The following KIF6 variants were observed in gnomAD, a reference collection of about 807,000 sequenced individuals.
KIF6 encodes kinesin family member 6.
Under a neutral mutation model 112.7 loss-of-function variants are expected in KIF6, and 106 were observed. That is an observed-to-expected ratio of 0.94 (90% confidence interval 0.80 to 1.11). The LOEUF is 1.11. KIF6 is among the 50% of genes least tolerant of loss of function. The probability of loss-of-function intolerance (pLI) is 0.00; values close to 1 mark genes in which losing one functional copy is unlikely to be tolerated. For missense variants in KIF6, 929 were observed against 964.0 expected, an observed-to-expected ratio of 0.96 and a Z score of 0.48; for synonymous variants, 339 against 339.9, an observed-to-expected ratio of 1.00 and a Z score of 0.03.
chr6:39,687,284 C>A (rs1787932945), intron 3 of KIF6, among the ~76,000 whole-genome samples: 1 of 152,170 alleles, frequency 6.6e-6, no homozygotes, highest in South Asian at 2.1e-4. Context: ...TTCTGGGAAC[C>A]AACGGACAGG....
chr6:39,430,724 T>C (rs1771092529), intron 14 of KIF6, among the ~76,000 whole-genome samples: 1 of 152,208 alleles, frequency 6.6e-6, no homozygotes, highest in South Asian at 2.1e-4. Context: ...CCATAGACTT[T>C]TTCCCCCCTC....
intron 15 of KIF6, among the ~76,000 whole-genome samples, chr6:39,400,483 G>C (rs536785910): frequency 3.7e-4 from 57 of 152,334 alleles, no homozygotes; most frequent in African/African-American, 1.3e-3. Context: ...AGGCCTTGTG[G>C]GCTCCAAAAC....
intron 22 of KIF6, among the ~76,000 whole-genome samples, chr6:39,338,893 C>T (rs531238845): frequency 1.8e-4 from 27 of 151,184 alleles, no homozygotes; most frequent in Non-Finnish European, 3.2e-4. Context: ...TGAGCCATCT[C>T]CCACCCAGGA....
intron 14 of KIF6, among the ~76,000 whole-genome samples, chr6:39,427,775 C>G (rs1003310691): frequency 9.2e-5 from 14 of 152,126 alleles, no homozygotes; most frequent in Non-Finnish European, 8.8e-5. Context: ...AACTCAAAAG[C>G]ACATTTGTCA....
intron 5 of KIF6, among the ~76,000 whole-genome samples, chr6:39,618,293 T>G (rs1353500005): frequency 6.6e-6 from 1 of 152,216 alleles, no homozygotes; most frequent in Non-Finnish European, 1.5e-5. Flanking sequence ...TAGTTTTATC[T>G]AACATCATAT....
Position 39,692,225 on chromosome 6 carries a change from C to T in KIF6, c.251+22467G>A, listed in dbSNP as rs1788255486. Among the ~76,000 whole-genome samples the T allele has an allele frequency of 2.0e-5, 3 of 152,156 alleles. No homozygotes were observed. The South Asian group carries it at 6.2e-4, about 32-fold the overall frequency. Reference sequence around the variant, plus strand: ...TGTGTACAGAAAAAACGTAAATCATCATCCTCAGAACATCTCAACCTGGTC... The same window carrying T: ...TGTGTACAGAAAAAACGTAAATCATTATCCTCAGAACATCTCAACCTGGTC... On this transcript the variant is annotated intron_variant, in intron 3 of 22. Coordinates refer to ENST00000287152, the MANE Select transcript of KIF6 (RefSeq NM_145027.6).
intron 10 of KIF6, among the ~76,000 whole-genome samples, chr6:39,567,959 T>A (rs1780403664): frequency 6.6e-6 from 1 of 152,024 alleles, no homozygotes; most frequent in African/African-American, 2.4e-5. Flanking sequence ...GGACCCTGAG[T>A]AGAGATCCAT....
intron 5 of KIF6, among the ~76,000 whole-genome samples, chr6:39,615,094 G>C (rs1478412730): frequency 2.0e-5 from 3 of 151,964 alleles, no homozygotes; most frequent in Non-Finnish European, 4.4e-5. Context: ...GATGGCTTGA[G>C]CCCAGGCATT....
chr6:39,548,597 CTAATAAT>C (rs1779190580), intron 10 of KIF6, among the ~76,000 whole-genome samples: 1 of 152,166 alleles, frequency 6.6e-6, no homozygotes, highest in Non-Finnish European at 1.5e-5. Flanking sequence ...AGGACTTGGT[CTAATAAT>C]TAAAATGCAG....
At chr6:39,593,791 T>C (rs1582223231) in intron 7 of KIF6, among the ~76,000 whole-genome samples, 1 of 152,136 alleles carries the variant, frequency 6.6e-6, no homozygotes, top group African/African-American at 2.4e-5. Context: ...CTCTGCGTGG[T>C]ATCAGGCCCT....
At chr6:39,457,548 C>G (rs1209571215) in intron 13 of KIF6, among the ~76,000 whole-genome samples, 2 of 151,248 alleles carry the variant, frequency 1.3e-5, no homozygotes, top group Non-Finnish European at 2.9e-5. Context: ...AACAGAGACA[C>G]AAAAAACCCT....
intron 3 of KIF6, among the ~76,000 whole-genome samples, chr6:39,662,152 AT>A (rs1219661437): frequency 2.0e-5 from 3 of 152,236 alleles, no homozygotes; most frequent in Non-Finnish European, 4.4e-5. Context: ...AATTTAAAAC[AT>A]ATAATCAATT....
intron 13 of KIF6, among the ~76,000 whole-genome samples, chr6:39,488,015 A>ATCT (rs3048051): frequency 7.9e-5 from 12 of 151,896 alleles, no homozygotes; most frequent in Non-Finnish European, 1.6e-4. Context: ...CTATCTATCT[A>ATCT]ATCATCCATC....
At chr6:39,360,262 G>T in intron 18 of KIF6, 133 bp downstream of exon 18, 1 of 939,850 alleles carries the variant, frequency 1.1e-6, no homozygotes, top group Non-Finnish European at 1.6e-6. Context: ...ACTACAGTGA[G>T]CACCTGCTTC....
chr6:39,379,685 TAAAA>T, intron 16 of KIF6, among the ~76,000 whole-genome samples: 1 of 152,178 alleles, frequency 6.6e-6, no homozygotes, highest in Non-Finnish European at 1.5e-5. Context: ...ATCTGATACT[TAAAA>T]AAAGGAGTTG....
intron 13 of KIF6, among the ~76,000 whole-genome samples, chr6:39,488,636 C>T (rs1448062184): frequency 1.3e-5 from 2 of 152,196 alleles, no homozygotes; most frequent in Non-Finnish European, 2.9e-5. Context: ...TAGGACCTGA[C>T]ATCGTGCTTG....
At chr6:39,499,707 A>C (rs1397632328) in intron 13 of KIF6, among the ~76,000 whole-genome samples, 5 of 152,168 alleles carry the variant, frequency 3.3e-5, no homozygotes, top group Non-Finnish European at 5.9e-5. Flanking sequence ...CCCTTGAGCT[A>C]TCAGTAAGAA....
chr6:39,641,433 G>GA (rs1161693203), intron 3 of KIF6, among the ~76,000 whole-genome samples: 1 of 150,344 alleles, frequency 6.7e-6, no homozygotes, highest in African/African-American at 2.4e-5. Flanking sequence ...TCATAGGTGG[G>GA]AATTGAACAT....
chr6:39,494,929 A>T (rs1775692726), intron 13 of KIF6, among the ~76,000 whole-genome samples: 1 of 152,148 alleles, frequency 6.6e-6, no homozygotes, highest in Non-Finnish European at 1.5e-5. Context: ...TACTCTTCAC[A>T]TCAGGGGAGT....
Sources: allele counts gnomAD v4.1 joint callset (sites outside exome capture counted in the v4.1 genomes callset), GRCh38; gene constraint gnomAD v4.1.1; transcripts MANE v1.5; gene names NCBI Gene and HGNC (gene_info 2026-07-23, HGNC 2026-07-21).